Variants in VDAC1 observed in about 807,000 individuals in gnomAD.
VDAC1 encodes the protein non-selective voltage-gated ion channel VDAC1.
In VDAC1, 10 loss-of-function variants were observed where a neutral mutation model predicts 34.7. The ratio of observed to expected loss-of-function variants is 0.29; its 90% CI spans 0.18 to 0.49. VDAC1 has a LOEUF of 0.49. VDAC1 is among the 20% of genes least tolerant of loss of function. The probability of loss-of-function intolerance (pLI) is 0.99; values close to 1 mark genes in which losing one functional copy is unlikely to be tolerated. For synonymous variants in VDAC1, 130 were observed against 136.0 expected, an observed-to-expected ratio of 0.96 and a Z score of 0.30; for missense variants, 230 against 347.9, an observed-to-expected ratio of 0.66 and a Z score of 2.69.
In VDAC1 at chr5:134,004,257, C is replaced by A. The variant is rs1357519672; in HGVS notation, c.-7+638G>T. ...CGGCGAGCGTGGGCGGCGAACGGGTCCCCGCCGGATGCACGCTGGTGGGAT... is the reference window on the plus strand; with the variant it reads ...CGGCGAGCGTGGGCGGCGAACGGGTACCCGCCGGATGCACGCTGGTGGGAT... On this transcript the variant is annotated intron_variant, in intron 1 of 8. Transcript: ENST00000265333. Among the ~76,000 whole-genome samples the A allele has an allele frequency of 2.0e-5, 3 of 152,012 alleles. No homozygotes were observed. In the East Asian group the frequency reaches 5.8e-4, roughly 29 times the overall value.
chr5:133,983,794 T>C (rs1235242619), intron 5 of VDAC1, among the ~76,000 whole-genome samples: 1 of 152,010 alleles, frequency 6.6e-6, no homozygotes, highest in Non-Finnish European at 1.5e-5. Flanking sequence ...ACCATGGGGG[T>C]GGATCCCTCA....
At chr5:134,066,739 T>G in the VDAC1 span, among the ~76,000 whole-genome samples, 1 of 152,156 alleles carries the variant, frequency 6.6e-6, no homozygotes, top group African/African-American at 2.4e-5. Flanking sequence ...CTCCTGTTAT[T>G]ACACCTGAAT....
upstream of VDAC1, among the ~76,000 whole-genome samples, chr5:134,005,844 G>A (rs1753736964): frequency 6.6e-6 from 1 of 152,252 alleles, no homozygotes; most frequent in Non-Finnish European, 1.5e-5. Flanking sequence ...CTTCGCCTTT[G>A]ATCAACAAAC....
chr5:133,981,599 G>T (rs1011571289), intron 5 of VDAC1, among the ~76,000 whole-genome samples: 1 of 152,170 alleles, frequency 6.6e-6, no homozygotes, highest in African/African-American at 2.4e-5. Flanking sequence ...CAGTATCCCA[G>T]GTCCAACCTG....
Position 133,980,907 on chromosome 5 carries a change from G to A in VDAC1, c.373C>T (p.Leu125=). Residue 125 remains leucine (L), a synonymous_variant, in exon 6 of 9, where the codon CTG becomes TTG. Coordinates refer to ENST00000265333, the MANE Select transcript of VDAC1 (RefSeq NM_003374.3). ...ATGTCGAAATCCATGTCGCAGCCCA[G>A]GTTAATGTGCTCCCGCTTGTACCCT... is the stretch of plus-strand genomic sequence containing the variant. ...KTGYKREHIN[L]GCDMDFDIAG... 6.2e-7 allele frequency: 1 copy of A among 1,613,962 alleles called. No homozygotes were observed. Among genetic ancestry groups the A allele is most frequent in the East Asian group, 2.2e-5 (1 of 44,874 alleles).
At chr5:134,083,496 A>G in the VDAC1 span, among the ~76,000 whole-genome samples, 1 of 152,148 alleles carries the variant, frequency 6.6e-6, no homozygotes, top group African/African-American at 2.4e-5. Context: ...AGCCAAGCCT[A>G]TGCTTTTAAA....
chr5:134,025,638 G>A, the VDAC1 span, among the ~76,000 whole-genome samples: 7 of 152,046 alleles, frequency 4.6e-5, no homozygotes, highest in African/African-American at 1.7e-4. Flanking sequence ...CACCCAGGCT[G>A]GAGTGCAGTG....
the VDAC1 span, among the ~76,000 whole-genome samples, chr5:134,015,676 G>T: frequency 6.6e-6 from 1 of 151,166 alleles, no homozygotes; most frequent in African/African-American, 2.4e-5. Context: ...ACGGAGTCTC[G>T]CTCTGTCACC....
chr5:134,080,006 T>C, the VDAC1 span, among the ~76,000 whole-genome samples: 1 of 152,232 alleles, frequency 6.6e-6, no homozygotes, highest in Non-Finnish European at 1.5e-5. Context: ...CTTCTCACAA[T>C]TGCTCTCAAG....
At chr5:134,038,526 C>G in the VDAC1 span, among the ~76,000 whole-genome samples, 5 of 152,230 alleles carry the variant, frequency 3.3e-5, no homozygotes, top group East Asian at 9.7e-4. Flanking sequence ...TCCCTCAATC[C>G]CACCCCCCAC....
chr5:134,030,534 A>G, the VDAC1 span, among the ~76,000 whole-genome samples: 1 of 151,978 alleles, frequency 6.6e-6, no homozygotes, highest in Non-Finnish European at 1.5e-5. Flanking sequence ...TAATAATAAG[A>G]AAGCTCAGAC....
At chr5:134,105,199 G>A in the VDAC1 span, among the ~76,000 whole-genome samples, 18 of 152,300 alleles carry the variant, frequency 1.2e-4, no homozygotes, top group African/African-American at 3.6e-4. Context: ...CCTGCTGGCT[G>A]ATAACACCAC....
the VDAC1 span, among the ~76,000 whole-genome samples, chr5:134,080,196 A>C: frequency 6.6e-6 from 1 of 152,362 alleles, no homozygotes; most frequent in South Asian, 2.1e-4. Flanking sequence ...CCATCGTCAG[A>C]CACGAAGGAT....
chr5:134,111,424 G>C, the VDAC1 span, among the ~76,000 whole-genome samples: 2 of 152,066 alleles, frequency 1.3e-5, no homozygotes, highest in South Asian at 2.1e-4. Context: ...CACCTCCAGG[G>C]GGGCAACCAC....
upstream of VDAC1, chr5:134,005,590 G>C (rs912837662): frequency 6.6e-6 from 1 of 152,208 alleles, no homozygotes; most frequent in Non-Finnish European, 1.5e-5. Flanking sequence ...TGGGTCTCTC[G>C]GCGCGAGGAG....
the VDAC1 span, among the ~76,000 whole-genome samples, chr5:134,036,983 C>CCA: frequency 6.6e-6 from 1 of 151,264 alleles, no homozygotes; most frequent in African/African-American, 2.4e-5. Context: ...AACAAACAAA[C>CCA]AAAAAAACTG....
the VDAC1 span, among the ~76,000 whole-genome samples, chr5:134,012,248 G>C: frequency 0.021 from 3,234 of 152,130 alleles, 51 homozygotes; most frequent in Non-Finnish European, 0.033. Context: ...TTAGCCCAGA[G>C]AGACTGATTT....
chr5:133,982,852 T>G (rs374514692), intron 5 of VDAC1, among the ~76,000 whole-genome samples: 67 of 147,396 alleles, frequency 4.5e-4, no homozygotes, highest in African/African-American at 1.6e-3. Flanking sequence ...ACCGCGCCAC[T>G]GCACTCCAGC....
At chr5:134,074,060 C>T in the VDAC1 span, among the ~76,000 whole-genome samples, 1 of 152,048 alleles carries the variant, frequency 6.6e-6, no homozygotes, top group Non-Finnish European at 1.5e-5. Context: ...CACCTGTAAT[C>T]CCAGCACTTT....
Sources: allele counts gnomAD v4.1 joint callset (sites outside exome capture counted in the v4.1 genomes callset), GRCh38; gene constraint gnomAD v4.1.1; transcripts MANE v1.5; gene names NCBI Gene and HGNC (gene_info 2026-07-23, HGNC 2026-07-21).